The following NTM variants were observed in gnomAD, a reference collection of about 807,000 sequenced individuals.
The protein encoded by NTM is IgLON family member 2.
In NTM, 13 loss-of-function variants were observed where a neutral mutation model predicts 42.1. The ratio of observed to expected loss-of-function variants is 0.31; its 90% confidence interval spans 0.20 to 0.49. The LOEUF (loss-of-function observed/expected upper bound fraction) is 0.49. Ranked by LOEUF, NTM falls within the 20% of genes least tolerant of loss-of-function variation. NTM has a pLI of 0.99. For synonymous variants in NTM, 187 were observed against 179.2 expected, an observed-to-expected ratio of 1.04 and a Z score of -0.35; for missense variants, 373 against 452.8, an observed-to-expected ratio of 0.82 and a Z score of 1.60.
chr11:132,161,968 G>C (rs1290284582), intron 3 of NTM, among the ~76,000 whole-genome samples: 1 of 152,118 alleles, frequency 6.6e-6, no homozygotes, highest in African/African-American at 2.4e-5. Context: ...TTTCCCTTAG[G>C]GAACCCACAT....
At chr11:131,699,914 G>T (rs1038774049) in intron 1 of NTM, among the ~76,000 whole-genome samples, 1 of 50,556 alleles carries the variant, frequency 2.0e-5, no homozygotes, top group Non-Finnish European at 3.7e-5. Context: ...CAGCAGGTGT[G>T]TGTGTGTGTG....
chr11:131,462,725 G>A (rs1045324482), intron 1 of NTM, among the ~76,000 whole-genome samples: 3 of 151,980 alleles, frequency 2.0e-5, no homozygotes, highest in Non-Finnish European at 4.4e-5. Context: ...GCATTGTACA[G>A]CAACTTCCAG....
intron 2 of NTM, among the ~76,000 whole-genome samples, chr11:132,101,745 T>C (rs1199034884): frequency 6.6e-6 from 1 of 152,206 alleles, no homozygotes; most frequent in Non-Finnish European, 1.5e-5. Flanking sequence ...GGTATACACC[T>C]CACTATCTCT....
chr11:132,195,317 A>G (rs538258514), intron 3 of NTM, among the ~76,000 whole-genome samples: 1 of 152,162 alleles, frequency 6.6e-6, no homozygotes. Flanking sequence ...AAATCGAAAA[A>G]CATTTCATGC....
At chr11:131,749,206 C>T (rs1055011789) in intron 1 of NTM, among the ~76,000 whole-genome samples, 4 of 152,166 alleles carry the variant, frequency 2.6e-5, no homozygotes, top group Admixed American at 6.5e-5. Context: ...TGTGGCAGTA[C>T]AGATCACAGG....
chr11:131,684,357 C>G (rs1321537446), intron 1 of NTM, among the ~76,000 whole-genome samples: 2 of 152,204 alleles, frequency 1.3e-5, no homozygotes, highest in Non-Finnish European at 2.9e-5. Context: ...CACACCCCCT[C>G]CCCACCTGGA....
At position 131,516,210 on chromosome 11, in the gene NTM, A is replaced by C. The variant is rs532456871; in HGVS notation, c.82+145322A>C. Among the ~76,000 whole-genome samples the C allele has an allele frequency of 7.2e-5, 11 of 152,324 alleles. 1 individual carries two copies. The South Asian group carries it at 2.1e-3, about 29-fold the overall frequency. ...ATATATTATCTCATCGATTTACACA[A>C]TGGTCCTGTGTAGCAGAGAAGCAGG... On this transcript the variant is annotated intron_variant, in intron 1 of 8. Coordinates refer to ENST00000683400, the MANE Select transcript of NTM (RefSeq NM_001352005.2).
At chr11:131,697,056 C>T (rs937848151) in intron 1 of NTM, among the ~76,000 whole-genome samples, 7 of 152,184 alleles carry the variant, frequency 4.6e-5, no homozygotes, top group African/African-American at 1.7e-4. Flanking sequence ...GAGAGAGTGG[C>T]AGTTTTTAGA....
At position 132,162,579 on chromosome 11, in the gene NTM, G is replaced by A. The variant is rs1192490571; in HGVS notation, c.400+16065G>A. 4.3e-5 allele frequency among the ~76,000 whole-genome samples: 6 copies of A among 140,604 alleles called. No individual in the cohort carries two copies. In the East Asian group the frequency reaches 1.3e-3, roughly 31 times the overall value. The allele number at this position is 140,604 out of a possible 152,430, so 92.2% of individuals were successfully genotyped here. A position where few individuals can be genotyped will look rare whatever the true frequency, so the allele number is the denominator to read the frequency against. Reference sequence around the variant, plus strand: ...GTGAGGAGTGTGGATGTGATCGTGTGTGTGTGTGTGTTTGTGGGGCATGTG... The same window carrying A: ...GTGAGGAGTGTGGATGTGATCGTGTATGTGTGTGTGTTTGTGGGGCATGTG... On this transcript the variant is annotated intron_variant, in intron 3 of 8. Coordinates refer to ENST00000683400, the MANE Select transcript of NTM (RefSeq NM_001352005.2).
intron 2 of NTM, among the ~76,000 whole-genome samples, chr11:131,985,664 G>A (rs931593002): frequency 2.6e-5 from 4 of 152,080 alleles, no homozygotes; most frequent in African/African-American, 4.8e-5. Context: ...AAAAAGTTAC[G>A]AAGGGCCCGG....
intron 1 of NTM, among the ~76,000 whole-genome samples, chr11:131,411,535 G>A (rs1289979968): frequency 1.4e-5 from 2 of 140,778 alleles, no homozygotes; most frequent in Non-Finnish European, 1.5e-5. Flanking sequence ...GTATTTAGGG[G>A]GGGCCGTGTG....
Position 131,653,790 on chromosome 11 carries a change from T to C in NTM, c.83-257774T>C, listed in dbSNP as rs79329133. Among the ~76,000 whole-genome samples the C allele has an allele frequency of 6.5e-3, 988 of 152,320 alleles. 10 individuals are homozygous for C. The highest frequency in any genetic ancestry group is 0.017 in the Middle Eastern group (5 of 294). On this transcript the variant is annotated intron_variant, in intron 1 of 8. Coordinates refer to ENST00000683400, the MANE Select transcript of NTM (RefSeq NM_001352005.2). Reference sequence around the variant, plus strand: ...CGCGGCCTCTTTTCTAGGCTGTCCTTTGGAGGAGTGGCTTTCGGAATGACC... The same window carrying C: ...CGCGGCCTCTTTTCTAGGCTGTCCTCTGGAGGAGTGGCTTTCGGAATGACC...
chr11:131,991,497 A>G (rs958262773), intron 2 of NTM, among the ~76,000 whole-genome samples: 1 of 152,244 alleles, frequency 6.6e-6, no homozygotes, highest in African/African-American at 2.4e-5. Flanking sequence ...GCCAAATAAT[A>G]GAGAGCCAAG....
intron 4 of NTM, among the ~76,000 whole-genome samples, chr11:132,224,960 T>C (rs574062919): frequency 2.6e-5 from 4 of 152,334 alleles, no homozygotes; most frequent in African/African-American, 9.6e-5. Context: ...TATTATGGAC[T>C]TGCTGATGTC....
intron 1 of NTM, among the ~76,000 whole-genome samples, chr11:131,789,606 A>AGAG (rs2090396633): frequency 2.4e-5 from 2 of 83,780 alleles, no homozygotes; most frequent in African/African-American, 5.5e-5. Flanking sequence ...AAGAAGAAGA[A>AGAG]GAAGAAGAAG....
At chr11:132,000,690 C>G (rs1383474086) in intron 2 of NTM, among the ~76,000 whole-genome samples, 2 of 152,150 alleles carry the variant, frequency 1.3e-5, no homozygotes, top group African/African-American at 4.8e-5. Context: ...TGTTCACTCC[C>G]TCAACACACA....
intron 1 of NTM, among the ~76,000 whole-genome samples, chr11:131,636,539 A>C (rs1376970217): frequency 6.6e-6 from 1 of 152,174 alleles, no homozygotes; most frequent in Non-Finnish European, 1.5e-5. Context: ...ACTCCAGTGC[A>C]CTGCGTTGTA....
At chr11:131,706,870 A>G (rs1386189811) in intron 1 of NTM, among the ~76,000 whole-genome samples, 4 of 152,066 alleles carry the variant, frequency 2.6e-5, no homozygotes, top group Non-Finnish European at 5.9e-5. Context: ...TAACTGACAT[A>G]ATAATTATAT....
Position 131,370,845 on chromosome 11 carries a change from T to C in NTM, c.39T>C (p.Ser13=). 1 of 1,614,116 alleles carries C rather than the reference T, an allele frequency of 6.2e-7. No individual in the cohort carries two copies. The highest frequency in any genetic ancestry group is 8.5e-7 in the Non-Finnish European group (1 of 1,179,970). The change falls in exon 1 of 9, where the codon TCT becomes TCC. Residue 13 remains serine, a synonymous_variant. Transcript: ENST00000683400. The stretch of plus-strand genomic sequence containing the variant: ...AGCCAAAAATGCACAATTCTATCTC[T>C]TGGGCAATCTTCACGGGGCTGGCTG... The part of the protein sequence containing the change: ...TIQPKMHNSI[S]WAIFTGLAAL...
Sources: allele counts gnomAD v4.1 joint callset (sites outside exome capture counted in the v4.1 genomes callset), GRCh38; gene constraint gnomAD v4.1.1; transcripts MANE v1.5; gene names NCBI Gene and HGNC (gene_info 2026-07-23, HGNC 2026-07-21).